ARHGAP44: variants seen among roughly 807,000 people sequenced by gnomAD.
ARHGAP44 encodes Rho GTPase activating protein 44.
A neutral mutation model predicts 106.8 loss-of-function variants in ARHGAP44; 43 were observed. That is an observed-to-expected ratio of 0.40 (90% CI 0.32 to 0.52). The LOEUF (loss-of-function observed/expected upper bound fraction) is 0.52. Among genes scored for constraint, ARHGAP44 ranks in the 20% least tolerant of loss-of-function variants. ARHGAP44 has a pLI of 0.48. For synonymous variants in ARHGAP44, 439 were observed against 410.3 expected, an observed-to-expected ratio of 1.07 and a Z score of -0.85; for missense variants, 866 against 1,050.5, an observed-to-expected ratio of 0.82 and a Z score of 2.43.
chr17:12,968,942 T>C (rs886937934), intron 16 of ARHGAP44, among the ~76,000 whole-genome samples: 11 of 152,028 alleles, frequency 7.2e-5, no homozygotes, highest in African/African-American at 2.7e-4. Flanking sequence ...GCTAATTGTT[T>C]GTATTTTTAG....
In ARHGAP44 at chr17:12,990,259, GTT is replaced by G. The variant is rs2040095816; in HGVS notation, c.*89_*90del. The G allele has an allele frequency of 6.7e-7, 1 of 1,486,944 alleles. No individual in the cohort carries two copies. Among genetic ancestry groups the G allele is most frequent in the South Asian group, 1.3e-5 (1 of 77,126 alleles). 92.1% of individuals were successfully genotyped at this position (1,486,944 alleles called of 1,614,324 possible). A position where few individuals can be genotyped will look rare whatever the true frequency, so the allele number is the denominator to read the frequency against. Reference sequence around the variant, plus strand: ...AGCAGCGTCCATGAGCTTGCCAAGTGTTCTCTGCTGGCTCTTTCCTGCCACTG... The same window carrying G: ...AGCAGCGTCCATGAGCTTGCCAAGTGCTCTGCTGGCTCTTTCCTGCCACTG... On this transcript the variant is annotated 3_prime_UTR_variant, in exon 21 of 21. Coordinates refer to ENST00000379672, the MANE Select transcript of ARHGAP44 (RefSeq NM_014859.6).
chr17:12,878,894 C>A (rs959680201), intron 1 of ARHGAP44, among the ~76,000 whole-genome samples: 3 of 152,196 alleles, frequency 2.0e-5, no homozygotes, highest in African/African-American at 7.2e-5. Flanking sequence ...GAATTTGTTT[C>A]TAGCATAAAT....
intron 13 of ARHGAP44, among the ~76,000 whole-genome samples, chr17:12,955,326 A>G (rs1350266934): frequency 1.3e-5 from 2 of 152,174 alleles, no homozygotes; most frequent in African/African-American, 2.4e-5. Flanking sequence ...ATGAACATTC[A>G]TGTACAAATT....
At chr17:12,969,933 G>T (rs2039484316) in intron 16 of ARHGAP44, among the ~76,000 whole-genome samples, 1 of 152,172 alleles carries the variant, frequency 6.6e-6, no homozygotes, top group Admixed American at 6.5e-5. Flanking sequence ...AGAGGCCTGG[G>T]TCGTTCTAGA....
At chr17:12,858,342 A>G (rs1317575383) in intron 1 of ARHGAP44, among the ~76,000 whole-genome samples, 1 of 152,142 alleles carries the variant, frequency 6.6e-6, no homozygotes, top group Admixed American at 6.5e-5. Context: ...CACCTCAGTT[A>G]CCTGGGATGG....
At chr17:12,903,018 G>A (rs191806524) in intron 3 of ARHGAP44, among the ~76,000 whole-genome samples, 157 of 151,004 alleles carry the variant, frequency 1.0e-3, no homozygotes, top group African/African-American at 3.5e-3. Flanking sequence ...AACCACAGAA[G>A]AGCTGGTTGC....
intron 16 of ARHGAP44, among the ~76,000 whole-genome samples, chr17:12,966,559 C>T (rs1240206963): frequency 6.6e-6 from 1 of 152,162 alleles, no homozygotes; most frequent in Non-Finnish European, 1.5e-5. Context: ...AGCTTTGGGT[C>T]CCCTTTTCAC....
At chr17:12,854,709 A>T (rs2035855444) in intron 1 of ARHGAP44, among the ~76,000 whole-genome samples, 1 of 152,204 alleles carries the variant, frequency 6.6e-6, no homozygotes, top group African/African-American at 2.4e-5. Context: ...CTGTAATCCC[A>T]GCACTTTGGA....
intron 1 of ARHGAP44, among the ~76,000 whole-genome samples, chr17:12,876,081 A>G (rs1282337824): frequency 2.6e-5 from 4 of 152,174 alleles, no homozygotes; most frequent in Non-Finnish European, 5.9e-5. Flanking sequence ...CATATCTTGG[A>G]TATTCAAAAT....
chr17:12,849,406 A>G (rs753726998), intron 1 of ARHGAP44, among the ~76,000 whole-genome samples: 3 of 151,932 alleles, frequency 2.0e-5, no homozygotes, highest in East Asian at 1.9e-4. Flanking sequence ...GGTATTTTGA[A>G]TGCTTGACAC....
chr17:12,937,326 C>A (rs567156174), intron 7 of ARHGAP44, among the ~76,000 whole-genome samples: 59 of 152,244 alleles, frequency 3.9e-4, no homozygotes, highest in Non-Finnish European at 6.8e-4. Flanking sequence ...CCTCCTGGTG[C>A]TGAAAGCAGG....
intron 1 of ARHGAP44, among the ~76,000 whole-genome samples, chr17:12,880,285 C>A (rs1280983710): frequency 6.6e-6 from 1 of 152,086 alleles, no homozygotes; most frequent in East Asian, 1.9e-4. Flanking sequence ...AAATTTAGAA[C>A]CAAAACATTA....
At chr17:12,901,017 G>A (rs544901190) in intron 3 of ARHGAP44, among the ~76,000 whole-genome samples, 6 of 150,656 alleles carry the variant, frequency 4.0e-5, no homozygotes, top group East Asian at 2.0e-4. Context: ...TCTGCCTCCC[G>A]GGTTCAAGCA....
intron 10 of ARHGAP44, among the ~76,000 whole-genome samples, chr17:12,945,776 A>AT (rs1299357632): frequency 3.3e-5 from 5 of 152,184 alleles, no homozygotes; most frequent in South Asian, 2.1e-4. Flanking sequence ...TTGTTATCAA[A>AT]TTTTTTAGCT....
intron 1 of ARHGAP44, among the ~76,000 whole-genome samples, chr17:12,799,791 G>C (rs915537067): frequency 1.1e-4 from 16 of 152,174 alleles, no homozygotes; most frequent in African/African-American, 3.4e-4. Context: ...CACCACACCA[G>C]GCTAATTTTT....
intron 4 of ARHGAP44, among the ~76,000 whole-genome samples, chr17:12,911,940 G>T (rs2037749007): frequency 1.3e-5 from 2 of 152,202 alleles, no homozygotes; most frequent in South Asian, 4.1e-4. Flanking sequence ...GAGGATGTTG[G>T]AGGGGGTCAG....
At chr17:12,940,797 A>G (rs1385475518) in intron 7 of ARHGAP44, among the ~76,000 whole-genome samples, 2 of 152,216 alleles carry the variant, frequency 1.3e-5, no homozygotes, top group Non-Finnish European at 1.5e-5. Context: ...CTCTACACCA[A>G]CTTTGACTTT....
At chr17:12,809,330 TG>T (rs1192730307) in intron 1 of ARHGAP44, among the ~76,000 whole-genome samples, 1 of 152,206 alleles carries the variant, frequency 6.6e-6, no homozygotes, top group Non-Finnish European at 1.5e-5. Flanking sequence ...TATATTAATC[TG>T]TTCTCACACT....
In ARHGAP44 at chr17:12,800,109, A is replaced by C. The variant is rs547682690; in HGVS notation, c.53+10218A>C. Among the ~76,000 whole-genome samples, 130 of 152,284 alleles carry C rather than the reference A, an allele frequency of 8.5e-4. 1 individual carries two copies. In the South Asian group the frequency reaches 0.023, roughly 27 times the overall value. On this transcript the variant is annotated intron_variant, in intron 1 of 20. Coordinates refer to ENST00000379672, the MANE Select transcript of ARHGAP44 (RefSeq NM_014859.6). Reference sequence around the variant, plus strand: ...CCCTGGTTGTAATAAGCACTCAATAAATGACAGTTATTACCAATATTCCTT... The same window carrying C: ...CCCTGGTTGTAATAAGCACTCAATACATGACAGTTATTACCAATATTCCTT...
Sources: gnomAD v4.1 joint callset for allele counts (sites outside exome capture counted in the v4.1 genomes callset) on GRCh38, gnomAD v4.1.1 for gene constraint, MANE v1.5 for transcripts, NCBI Gene and HGNC (gene_info 2026-07-23, HGNC 2026-07-21) for gene names.